The following BTD variants were observed in gnomAD, a reference collection of about 807,000 sequenced individuals.
The protein encoded by BTD is biotinidase.
Under a neutral mutation model 17.7 loss-of-function variants are expected in BTD, and 13 were observed. That is an observed-to-expected ratio of 0.74 (90% confidence interval 0.48 to 1.17). The LOEUF (loss-of-function observed/expected upper bound fraction) is 1.17. Ranked by LOEUF, BTD falls within the 50% of genes most tolerant of loss-of-function variation. The pLI, the probability that BTD is intolerant of heterozygous loss-of-function variation, is 0.00. For missense variants in BTD, 674 were observed against 650.4 expected, an observed-to-expected ratio of 1.04 and a Z score of -0.39; for synonymous variants, 240 against 245.2, an observed-to-expected ratio of 0.98 and a Z score of 0.20.
chr3:15,674,174 CAAAAAAAAAAAAAA>C (rs34806568), intron 3 of BTD, among the ~76,000 whole-genome samples: 1 of 40,282 alleles, frequency 2.5e-5, no homozygotes, highest in Non-Finnish European at 4.1e-5. Context: ...CCTGCCTCTT[CAAAAAAAAAAAAAA>C]AAAAAAAAAA....
In BTD at chr3:15,644,580, A is replaced by G. The variant is rs771466219; in HGVS notation, c.664A>G (p.Ile222Val). ...FDTPFAGRFG[I>V]FTCFDILFFD... ...TACCCCCTTTGCTGGCAGGTTTGGC[A>G]TCTTCACATGCTTTGATATATTGTT... The change falls in exon 4 of 4, where the codon ATC becomes GTC. Residue 222 changes from isoleucine to valine, a missense_variant. Ile to Val is a conservative substitution (Grantham distance 29). Transcript: ENST00000643237. 44 of 1,614,082 alleles carry G rather than the reference A, an allele frequency of 2.7e-5. 1 individual carries two copies. In the South Asian group the frequency reaches 4.6e-4, roughly 17 times the overall value.
intron 1 of BTD, chr3:15,606,539 C>T (rs2064459865): frequency 1.3e-5 from 2 of 152,168 alleles, no homozygotes; most frequent in Admixed American, 1.3e-4. Context: ...CAGAACCACT[C>T]AGTATGAAGT....
At chr3:15,631,892 G>T (rs1319748792) in intron 1 of BTD, among the ~76,000 whole-genome samples, 3 of 152,192 alleles carry the variant, frequency 2.0e-5, no homozygotes, top group Non-Finnish European at 4.4e-5. Context: ...TATGAGTCCA[G>T]AATGGAAGAG....
chr3:15,613,971 T>C (rs1283632201), intron 1 of BTD, among the ~76,000 whole-genome samples: 1 of 152,066 alleles, frequency 6.6e-6, no homozygotes, highest in African/African-American at 2.4e-5. Flanking sequence ...TATTTCGTGT[T>C]CTGGTTTCTT....
chr3:15,654,974 C>T (rs1156737052), downstream of BTD, among the ~76,000 whole-genome samples: 1 of 152,208 alleles, frequency 6.6e-6, no homozygotes, highest in Non-Finnish European at 1.5e-5. Context: ...CTCAGATGAT[C>T]TGCCCGCCTT....
rs1045935840 is a variant in BTD at position 15,653,104 on chromosome 3, G to A, written c.*7616G>A. On this transcript the variant is annotated 3_prime_UTR_variant, in exon 4 of 4. Transcript: ENST00000643237. ...GGTATGGTGCAGACCAGGGGCTCTC[G>A]AAAGGTGGGCTCCAGGCAGCAGCAC... 1.3e-5 allele frequency among the ~76,000 whole-genome samples: 2 copies of A among 152,208 alleles called. No homozygotes were observed. Among genetic ancestry groups the A allele is most frequent in the African/African-American group, 4.8e-5 (2 of 41,446 alleles).
At chr3:15,686,757 G>T (rs1223431819) in intron 3 of BTD, among the ~76,000 whole-genome samples, 1 of 152,172 alleles carries the variant, frequency 6.6e-6, no homozygotes, top group Non-Finnish European at 1.5e-5. Flanking sequence ...TCTAGAGGCT[G>T]CTGGGAAATA....
At chr3:15,714,467 A>G, downstream of BTD, 1 of 781,008 alleles carries the variant, frequency 1.3e-6, no homozygotes, top group East Asian at 2.9e-5. Context: ...TGTATTAAAA[A>G]TACACAAAAT....
chr3:15,626,248 T>C (rs1354684235), intron 1 of BTD, among the ~76,000 whole-genome samples: 1 of 152,194 alleles, frequency 6.6e-6, no homozygotes, highest in African/African-American at 2.4e-5. Flanking sequence ...TTAAAAAGCA[T>C]GTGGGCTTTT....
Position 15,601,901 on chromosome 3 carries a change from A to AG in BTD, c.-17+12dup. The AG allele has an allele frequency of 6.2e-7, 1 of 1,613,500 alleles. No homozygotes were observed. The highest frequency in any genetic ancestry group is 8.5e-7 in the Non-Finnish European group (1 of 1,179,968). ...GAAGGCGCGCTAAGAGCAGGTACGG[A>AG]GGGGGCGTGGTGCGGCGCGGAGGGG... is the stretch of plus-strand genomic sequence containing the variant. On this transcript the variant is annotated splice_region_variant and intron_variant, in intron 1 of 3. Transcript: ENST00000643237.
chr3:15,635,864 C>T lies in BTD; in HGVS notation c.249+176C>T, dbSNP rs940583676. ...GGAGCCTTACCCCTCAGAGAGTGGT[C>T]CGTGGACCGGCATCCCCTGGGAGCT... On this transcript the variant is annotated intron_variant, in intron 2 of 3. Transcript: ENST00000643237. This position sits in a 1 kb window ranked among gnomAD's most constrained non-coding sequence, Gnocchi z 4.1. 6.6e-6 allele frequency among the ~76,000 whole-genome samples: 1 copy of T among 152,146 alleles called. No individual in the cohort carries two copies. Among genetic ancestry groups the T allele is most frequent in the Admixed American group, 6.5e-5 (1 of 15,280 alleles).
rs2125504669 is a variant in BTD at position 15,645,096 on chromosome 3, T to C, written c.1180T>C (p.Tyr394His). The change falls in exon 4 of 4, where the codon TAT becomes CAT. Residue 394 changes from tyrosine (Y) to histidine (H), a missense_variant. Tyr to His is a moderately conservative substitution (Grantham distance 83). Coordinates refer to ENST00000643237, the MANE Select transcript of BTD (RefSeq NM_001370658.1). ...TLVPVWGKEGYLHVCSNGLCC... is the reference protein window; with the variant it reads ...TLVPVWGKEGHLHVCSNGLCC... ...GGTCCCTGTCTGGGGAAAGGAAGGC[T>C]ATCTCCACGTCTGTTCCAATGGCCT... The C allele has an allele frequency of 6.2e-7, 1 of 1,614,100 alleles. No homozygotes were observed. The highest frequency in any genetic ancestry group is 1.1e-5 in the South Asian group (1 of 91,082).
chr3:15,711,132 T>C, exon 4 of BTD: 1 of 1,265,316 alleles, frequency 7.9e-7, no homozygotes, highest in Non-Finnish European at 1.1e-6. Flanking sequence ...CCAGAATTAA[T>C]AAAAAAGAAC....
rs140769832 is a variant in BTD at position 15,644,561 on chromosome 3, C to A, written c.645C>A (p.Pro215=). Residue 215 remains proline (P), a synonymous_variant, in exon 4 of 4, where the codon CCC becomes CCA. Transcript: ENST00000643237. ...LKVDLITFDT[P]FAGRFGIFTC... Reference sequence around the variant, plus strand: ...TGGATCTCATCACCTTTGATACCCCCTTTGCTGGCAGGTTTGGCATCTTCA... The same window carrying A: ...TGGATCTCATCACCTTTGATACCCCATTTGCTGGCAGGTTTGGCATCTTCA... 120 of 1,614,190 alleles carry A rather than the reference C, an allele frequency of 7.4e-5. No individual in the cohort carries two copies. The African/African-American group carries it at 1.4e-3, about 19-fold the overall frequency.
rs2065762606 is a variant in BTD, at chr3:15,649,355, A to G, written c.*3867A>G. ...AAGTCACACTGCATCATTTGGCACC[A>G]TCTTATTGAGTTACACAGGTCAGCC... On this transcript the variant is annotated 3_prime_UTR_variant, in exon 4 of 4. Coordinates refer to ENST00000643237, the MANE Select transcript of BTD (RefSeq NM_001370658.1). Among the ~76,000 whole-genome samples, 1 of 152,208 alleles carries G rather than the reference A, an allele frequency of 6.6e-6. No homozygotes were observed. Among genetic ancestry groups the G allele is most frequent in the African/African-American group, 2.4e-5 (1 of 41,456 alleles).
intron 3 of BTD, among the ~76,000 whole-genome samples, chr3:15,688,922 A>G (rs2068462782): frequency 6.6e-6 from 1 of 152,250 alleles, no homozygotes; most frequent in South Asian, 2.1e-4. Flanking sequence ...AACGTGTATC[A>G]CTTGTTAAAT....
chr3:15,632,040 C>G (rs774403949), intron 1 of BTD, among the ~76,000 whole-genome samples: 1 of 152,106 alleles, frequency 6.6e-6, no homozygotes, highest in African/African-American at 2.4e-5. Context: ...GTTTCTTGCA[C>G]CCGCCCGTGA....
downstream of BTD, among the ~76,000 whole-genome samples, chr3:15,654,778 A>G (rs943447338): frequency 6.6e-6 from 1 of 151,548 alleles, no homozygotes; most frequent in Non-Finnish European, 1.5e-5. Flanking sequence ...CTTGTTGCCC[A>G]AGCTGGAGTA....
In BTD at chr3:15,635,446, G is replaced by A; in HGVS notation, c.7G>A (p.Gly3Arg). Residue 3 changes from glycine to arginine, a missense_variant, in exon 2 of 4, where the codon GGA (glycine) becomes AGA (arginine). Gly to Arg is a moderately radical substitution (Grantham distance 125). Transcript: ENST00000643237. The surrounding 1 kb of genome is among the most constrained non-coding windows in gnomAD (Gnocchi z 4.1). ...CAGATTTGTGGTCTGCATTATGTCT[G>A]GAGCCAGAAGTAAGCTTGCTCTTTT... MS[G>R]ARSKLALFLC... 6.2e-7 allele frequency: 1 copy of A among 1,614,218 alleles called. No individual in the cohort carries two copies. The highest frequency in any genetic ancestry group is 8.5e-7 in the Non-Finnish European group (1 of 1,180,034).
Sources: gnomAD v4.1 joint callset for allele counts (sites outside exome capture counted in the v4.1 genomes callset) on GRCh38, gnomAD v4.1.1 for gene constraint, Gnocchi (gnomAD v3.1) non-coding constraint, MANE v1.5 for transcripts, NCBI Gene and HGNC (gene_info 2026-07-23, HGNC 2026-07-21) for gene names.